The following EEA1 variants were observed in gnomAD, a reference collection of about 807,000 sequenced individuals.
EEA1 encodes early endosome antigen 1, 162kD.
A neutral mutation model predicts 209.2 loss-of-function variants in EEA1; 111 were observed. The observed-to-expected ratio is 0.53, with a 90% CI of 0.45 to 0.62. EEA1 has a LOEUF of 0.62. Among genes scored for constraint, EEA1 ranks in the 20% least tolerant of loss-of-function variants. The pLI is 0.00. For missense variants in EEA1, 1,343 were observed against 1,530.8 expected, an observed-to-expected ratio of 0.88 and a Z score of 2.05; for synonymous variants, 536 against 540.6, an observed-to-expected ratio of 0.99 and a Z score of 0.12.
At chr12:92,860,241 T>C (rs958344399) in intron 3 of EEA1, among the ~76,000 whole-genome samples, 1 of 152,204 alleles carries the variant, frequency 6.6e-6, no homozygotes, top group Non-Finnish European at 1.5e-5. Flanking sequence ...GTCTGAAGGT[T>C]GCACACTTTA....
rs1182168683 is a variant in EEA1 at position 92,826,286 on chromosome 12, C to T, written c.1405-1G>A. ...TAGAATTTGTAACTTTTTCCTTCAA[C>T]TTAAAAAAATGTAGATTGTCAATTG... On this transcript the variant is annotated splice_acceptor_variant, in intron 12 of 28. Transcript: ENST00000322349. LOFTEE classifies it high-confidence loss of function. The T allele has an allele frequency of 4.4e-6, 7 of 1,608,342 alleles. No homozygotes were observed. Among genetic ancestry groups the T allele is most frequent in the Non-Finnish European group, 6.0e-6 (7 of 1,175,890 alleles).
chr12:92,812,646 T>G (rs1473294097), intron 16 of EEA1, among the ~76,000 whole-genome samples: 2 of 152,058 alleles, frequency 1.3e-5, no homozygotes, highest in Non-Finnish European at 2.9e-5. Context: ...CCCCATCCAA[T>G]CACCAACACT....
Position 92,899,799 on chromosome 12 carries a change from A to T in EEA1, c.25-8078T>A, listed in dbSNP as rs1880074862. On this transcript the variant is annotated intron_variant, in intron 1 of 28. Coordinates refer to ENST00000322349, the MANE Select transcript of EEA1 (RefSeq NM_003566.4). ...TTCTTTGTCCTTACAATCTTCCTAA[A>T]ATGCCTATGCTTTTTTGGAAGTTGA... Among the ~76,000 whole-genome samples, 3 of 152,226 alleles carry T rather than the reference A, an allele frequency of 2.0e-5. No individual in the cohort carries two copies. In the South Asian group the frequency reaches 6.2e-4, roughly 32 times the overall value.
chr12:92,797,248 C>A (rs1350393087), intron 21 of EEA1, among the ~76,000 whole-genome samples: 1 of 152,046 alleles, frequency 6.6e-6, no homozygotes, highest in African/African-American at 2.4e-5. Context: ...CCACCATGCC[C>A]AGCTAATTTT....
intron 2 of EEA1, among the ~76,000 whole-genome samples, chr12:92,882,269 G>A (rs1879180176): frequency 6.6e-6 from 1 of 151,844 alleles, no homozygotes; most frequent in Admixed American, 6.6e-5. Flanking sequence ...CACCATGACT[G>A]GCTAATTTTT....
chr12:92,806,295 A>T (rs1363733409), intron 18 of EEA1, among the ~76,000 whole-genome samples: 1 of 152,202 alleles, frequency 6.6e-6, no homozygotes, highest in Admixed American at 6.5e-5. Flanking sequence ...AATTAGCATG[A>T]TTAAGAATAA....
intron 15 of EEA1, among the ~76,000 whole-genome samples, chr12:92,813,848 A>C (rs1875650765): frequency 6.6e-6 from 1 of 152,076 alleles, no homozygotes; most frequent in African/African-American, 2.4e-5. Flanking sequence ...CCCCATCTCT[A>C]CTAAAAATAC....
chr12:92,806,533 A>T (rs1875214771), intron 18 of EEA1, among the ~76,000 whole-genome samples: 1 of 152,212 alleles, frequency 6.6e-6, no homozygotes, highest in Non-Finnish European at 1.5e-5. Flanking sequence ...TAGCCAGTTC[A>T]CTAGTGAATT....
chr12:92,900,122 C>G (rs150733408), intron 1 of EEA1, among the ~76,000 whole-genome samples: 1 of 152,248 alleles, frequency 6.6e-6, no homozygotes, highest in Non-Finnish European at 1.5e-5. Flanking sequence ...CAAGGAATCA[C>G]AACAAAAGGG....
Position 92,771,037 on chromosome 12 carries a change from C to G in EEA1, c.*4974G>C, listed in dbSNP as rs1419582660. The G allele has an allele frequency of 6.7e-6, 1 of 149,378 alleles. No individual in the cohort carries two copies. Among genetic ancestry groups the G allele is most frequent in the East Asian group, 2.0e-4 (1 of 5,028 alleles). The allele number at this position is 149,378 out of a possible 1,614,324, so 9.3% of individuals were successfully genotyped here. A position where few individuals can be genotyped will look rare whatever the true frequency, so the allele number is the denominator to read the frequency against. On this transcript the variant is annotated 3_prime_UTR_variant, in exon 29 of 29. Coordinates refer to ENST00000322349, the MANE Select transcript of EEA1 (RefSeq NM_003566.4). ...TGTGTGTGTGTTAGCACAGTACAGTCACTTAATTTTATTTGGCAGGACTTC... is the reference window on the plus strand; with the variant it reads ...TGTGTGTGTGTTAGCACAGTACAGTGACTTAATTTTATTTGGCAGGACTTC...
At chr12:92,890,746 C>G (rs1328008475) in intron 2 of EEA1, among the ~76,000 whole-genome samples, 1 of 152,114 alleles carries the variant, frequency 6.6e-6, no homozygotes, top group Non-Finnish European at 1.5e-5. Flanking sequence ...CCTCCCCTCT[C>G]GCAAATCTGT....
intron 11 of EEA1, among the ~76,000 whole-genome samples, chr12:92,829,507 G>A (rs1196755564): frequency 3.3e-5 from 5 of 151,832 alleles, no homozygotes; most frequent in Non-Finnish European, 2.9e-5. Flanking sequence ...GGCTGGGCGC[G>A]GTGGCTCATG....
chr12:92,845,006 C>G (rs577393510), intron 9 of EEA1, among the ~76,000 whole-genome samples: 12 of 151,992 alleles, frequency 7.9e-5, no homozygotes, highest in African/African-American at 2.9e-4. Flanking sequence ...GTAAAGCAAA[C>G]ACACTCCAAA....
At chr12:92,861,756 A>T (rs1445040324) in intron 3 of EEA1, among the ~76,000 whole-genome samples, 1 of 151,474 alleles carries the variant, frequency 6.6e-6, no homozygotes, top group Non-Finnish European at 1.5e-5. Flanking sequence ...ATAATTACAT[A>T]TATTTATATA....
chr12:92,798,756 A>G, intron 21 of EEA1, 136 bp downstream of exon 21: 1 of 530,396 alleles, frequency 1.9e-6, no homozygotes, highest in Non-Finnish European at 3.1e-6. Context: ...AAATGCTTTC[A>G]TATATTAAAC....
chr12:92,799,424 T>G (rs1037987261), intron 20 of EEA1, among the ~76,000 whole-genome samples: 2 of 152,232 alleles, frequency 1.3e-5, no homozygotes, highest in African/African-American at 2.4e-5. Flanking sequence ...TACATTAGTA[T>G]TCTCTTGTAT....
At chr12:92,816,031 A>G (rs1417448586) in intron 15 of EEA1, among the ~76,000 whole-genome samples, 169 bp downstream of exon 15, 2 of 152,046 alleles carry the variant, frequency 1.3e-5, no homozygotes, top group African/African-American at 4.8e-5. Flanking sequence ...GGAGCAGGGG[A>G]GAAAGTCAAA....
chr12:92,778,376 G>A (rs1292641896), intron 25 of EEA1, among the ~76,000 whole-genome samples, 197 bp from the exon 26 acceptor site: 2 of 151,976 alleles, frequency 1.3e-5, no homozygotes, highest in Non-Finnish European at 2.9e-5. Flanking sequence ...TCAAAATGCT[G>A]AAATGATGGA....
At chr12:92,887,175 CA>C (rs924030036) in intron 2 of EEA1, among the ~76,000 whole-genome samples, 9 of 148,810 alleles carry the variant, frequency 6.0e-5, no homozygotes, top group Non-Finnish European at 7.5e-5. Context: ...AAATGAAAAA[CA>C]AAAAAAAAGG....
Sources: allele counts gnomAD v4.1 joint callset (sites outside exome capture counted in the v4.1 genomes callset), GRCh38; gene constraint gnomAD v4.1.1; transcripts MANE v1.5; gene names NCBI Gene and HGNC (gene_info 2026-07-23, HGNC 2026-07-21).